ENTHD1: variants seen among roughly 807,000 people sequenced by gnomAD.
The protein encoded by ENTHD1 is ENTH domain-containing protein 1.
In ENTHD1, 23 loss-of-function variants were observed where a neutral mutation model predicts 39.1. The ratio of observed to expected loss-of-function variants is 0.59; its 90% CI spans 0.42 to 0.83. The LOEUF (loss-of-function observed/expected upper bound fraction) is 0.83. Among genes scored for constraint, ENTHD1 ranks in the 40% least tolerant of loss-of-function variants. The pLI is 0.00. For synonymous variants in ENTHD1, 230 were observed against 258.2 expected (o/e 0.89, Z 1.05); for missense variants, 624 against 705.4 (o/e 0.88, Z 1.31).
At chr22:39,791,856 G>A (rs986903099) in intron 5 of ENTHD1, among the ~76,000 whole-genome samples, 5 of 151,956 alleles carry the variant, frequency 3.3e-5, no homozygotes, top group African/African-American at 1.2e-4. Flanking sequence ...TTGTTTGTTT[G>A]TTTTGTTTTT....
intron 6 of ENTHD1, among the ~76,000 whole-genome samples, chr22:39,748,774 T>G (rs1383372247): frequency 6.6e-6 from 1 of 152,118 alleles, no homozygotes; most frequent in African/African-American, 2.4e-5. Flanking sequence ...GTCACATATA[T>G]ATGCTGTGAC....
chr22:39,879,067 G>GAAAATATTTGCAAAAAAAAAT (rs1313154098), intron 2 of ENTHD1, among the ~76,000 whole-genome samples: 3 of 151,520 alleles, frequency 2.0e-5, no homozygotes, highest in Non-Finnish European at 2.9e-5. Context: ...ATGAGACGAA[G>GAAAATATTTGCAAAAAAAAAT]GAGTGTTATC....
At chr22:39,796,512 C>T (rs2065551224) in intron 5 of ENTHD1, among the ~76,000 whole-genome samples, 1 of 152,140 alleles carries the variant, frequency 6.6e-6, no homozygotes, top group Non-Finnish European at 1.5e-5. Context: ...TCAAGCAATC[C>T]TCCTACTTTG....
At chr22:39,768,991 C>T (rs886813262) in intron 5 of ENTHD1, among the ~76,000 whole-genome samples, 1 of 151,742 alleles carries the variant, frequency 6.6e-6, no homozygotes, top group African/African-American at 2.4e-5. Flanking sequence ...CATATACACA[C>T]ACTAACTTGT....
At chr22:39,816,221 G>A (rs566643680) in intron 5 of ENTHD1, among the ~76,000 whole-genome samples, 2 of 152,266 alleles carry the variant, frequency 1.3e-5, no homozygotes, top group South Asian at 4.1e-4. Flanking sequence ...ATGGAAATTA[G>A]AACCATCTGT....
At chr22:39,875,194 T>C in intron 2 of ENTHD1, 1 of 722,160 alleles carries the variant, frequency 1.4e-6, no homozygotes, top group Non-Finnish European at 1.9e-6. Context: ...TCAGAAACAT[T>C]ATGTTGAGAG....
At chr22:39,833,342 T>A (rs1055665955) in intron 4 of ENTHD1, among the ~76,000 whole-genome samples, 1 of 152,102 alleles carries the variant, frequency 6.6e-6, no homozygotes, top group African/African-American at 2.4e-5. Context: ...TAACCAGCCA[T>A]TGGAGGAGCA....
chr22:39,876,981 T>C (rs2066295675), intron 2 of ENTHD1, among the ~76,000 whole-genome samples: 1 of 152,168 alleles, frequency 6.6e-6, no homozygotes, highest in Non-Finnish European at 1.5e-5. Context: ...TAAAGATGTG[T>C]ACATAAATGG....
rs2065270254 is a variant in ENTHD1, at chr22:39,765,603, A to G, written c.839T>C (p.Val280Ala). The G allele has an allele frequency of 1.2e-6, 2 of 1,604,204 alleles. No individual in the cohort carries two copies. The highest frequency in any genetic ancestry group is 1.7e-6 in the Non-Finnish European group (2 of 1,175,724). ...EVCNLSGADA[V>A]PTLSENSPSG... is the part of the protein sequence containing the mutation. ...AGGACTATTTTCTGAGAGAGTAGGCACAGCATCTATAAAAGAACAAATAAG... is the reference window on the plus strand; with the variant it reads ...AGGACTATTTTCTGAGAGAGTAGGCGCAGCATCTATAAAAGAACAAATAAG... The change falls in exon 6 of 7, where the codon GTG (valine) becomes GCG (alanine). Residue 280 changes from valine (V) to alanine (A), a missense_variant. Coordinates refer to ENST00000325157, the MANE Select transcript of ENTHD1 (RefSeq NM_152512.4).
At chr22:39,834,477 A>G (rs370049160) in intron 4 of ENTHD1, among the ~76,000 whole-genome samples, 3 of 152,152 alleles carry the variant, frequency 2.0e-5, no homozygotes, top group African/African-American at 7.2e-5. Context: ...TTAAAATAGC[A>G]GTAATACCAA....
intron 4 of ENTHD1, 125 bp from the exon 5 acceptor site, chr22:39,821,238 A>C (rs2065780965): frequency 1.7e-6 from 2 of 1,169,488 alleles, no homozygotes; most frequent in Non-Finnish European, 2.4e-6. Flanking sequence ...AATTTAATTA[A>C]CTCAAACATA....
chr22:39,881,597 G>A (rs778571962), intron 2 of ENTHD1, among the ~76,000 whole-genome samples: 4 of 152,186 alleles, frequency 2.6e-5, no homozygotes, highest in African/African-American at 7.2e-5. Context: ...TAGACAAAGC[G>A]GATATAAAAG....
At chr22:39,863,528 T>C (rs1198876623) in intron 2 of ENTHD1, among the ~76,000 whole-genome samples, 1 of 152,190 alleles carries the variant, frequency 6.6e-6, no homozygotes, top group African/African-American at 2.4e-5. Flanking sequence ...AATTCCCAGA[T>C]ACAAAGGTAC....
chr22:39,752,876 C>G (rs1457529255), intron 6 of ENTHD1, among the ~76,000 whole-genome samples: 1 of 152,230 alleles, frequency 6.6e-6, no homozygotes, highest in East Asian at 1.9e-4. Context: ...ACCAGTAACT[C>G]AGGCTTTGCC....
intron 6 of ENTHD1, among the ~76,000 whole-genome samples, chr22:39,763,785 ATTTTAAGTGT>A (rs753625281): frequency 3.9e-5 from 6 of 152,194 alleles, no homozygotes; most frequent in Admixed American, 1.3e-4. Context: ...TTCTCGCTAA[ATTTTAAGTGT>A]ACTTGGTACA....
chr22:39,767,270 C>T (rs2065284316), intron 5 of ENTHD1, among the ~76,000 whole-genome samples: 1 of 152,108 alleles, frequency 6.6e-6, no homozygotes, highest in Non-Finnish European at 1.5e-5. Flanking sequence ...ATGAAAAGAA[C>T]CTCTCCTAAA....
chr22:39,856,012 C>T (rs113242028), intron 3 of ENTHD1, among the ~76,000 whole-genome samples: 49 of 152,280 alleles, frequency 3.2e-4, no homozygotes, highest in South Asian at 2.7e-3. Context: ...GGTGGCTCAA[C>T]GCCTGTAATC....
chr22:39,843,422 G>A (rs866966489), intron 3 of ENTHD1, among the ~76,000 whole-genome samples: 12 of 144,032 alleles, frequency 8.3e-5, no homozygotes, highest in South Asian at 2.2e-4. Flanking sequence ...AGATCACATG[G>A]ACACAGGAAG....
At chr22:39,757,006 A>G (rs1028789633) in intron 6 of ENTHD1, among the ~76,000 whole-genome samples, 14 of 147,736 alleles carry the variant, frequency 9.5e-5, no homozygotes, top group Non-Finnish European at 1.5e-5. Flanking sequence ...CAGCTTGTCA[A>G]TTTCTACCAA....
Sources: allele counts gnomAD v4.1 joint callset (sites outside exome capture counted in the v4.1 genomes callset), GRCh38; gene constraint gnomAD v4.1.1; transcripts MANE v1.5; gene names NCBI Gene and HGNC (gene_info 2026-07-23, HGNC 2026-07-21).